The following CPEB3 variants were observed in gnomAD, a reference collection of about 807,000 sequenced individuals.
CPEB3 encodes cytoplasmic polyadenylation element-binding protein 3.
In CPEB3, 20 loss-of-function variants were observed where a neutral mutation model predicts 67.2. That is an observed-to-expected ratio of 0.30 (90% CI 0.21 to 0.43). The LOEUF is 0.43. Ranked by LOEUF, CPEB3 falls within the 20% of genes least tolerant of loss-of-function variation. CPEB3 has a pLI of 1.00. For missense variants in CPEB3, 746 were observed against 968.6 expected (o/e 0.77, Z 3.05); for synonymous variants, 376 against 393.1 (o/e 0.96, Z 0.51).
chr10:92,204,292 C>T (rs973301136), intron 2 of CPEB3: 1 of 152,074 alleles, frequency 6.6e-6, no homozygotes, highest in Non-Finnish European at 1.5e-5. Flanking sequence ...CTGCTGTGGC[C>T]CCCTGTTATC....
intron 9 of CPEB3, 135 bp downstream of exon 9, chr10:92,081,185 T>C (rs1214375963): frequency 5.5e-6 from 5 of 902,464 alleles, no homozygotes; most frequent in Non-Finnish European, 8.9e-6. Context: ...TCAGGCAGCC[T>C]AGATGAATTC....
chr10:92,089,211 G>A (rs1451566435), intron 8 of CPEB3, among the ~76,000 whole-genome samples: 1 of 152,136 alleles, frequency 6.6e-6, no homozygotes, highest in African/African-American at 2.4e-5. Context: ...CCAAAGCTCA[G>A]TGTGTTTCAA....
chr10:92,146,010 G>T (rs746350543), intron 4 of CPEB3, among the ~76,000 whole-genome samples: 2 of 152,176 alleles, frequency 1.3e-5, no homozygotes, highest in Non-Finnish European at 1.5e-5. Context: ...GTAAGTAAAT[G>T]AAAACACATA....
intron 1 of CPEB3, among the ~76,000 whole-genome samples, chr10:92,254,631 C>G (rs1852442701): frequency 6.6e-6 from 1 of 152,002 alleles, no homozygotes; most frequent in South Asian, 2.1e-4. Context: ...TTTTACCTCC[C>G]TTTTTTATAG....
Position 92,117,743 on chromosome 10 carries a change from T to C in CPEB3, c.1454-6549A>G, listed in dbSNP as rs1845114552. Among the ~76,000 whole-genome samples the C allele has an allele frequency of 2.4e-5, 3 of 124,634 alleles. No individual in the cohort carries two copies. The Admixed American group carries it at 2.4e-4, about 10-fold the overall frequency. 81.8% of individuals were successfully genotyped at this position (124,634 alleles called of 152,430 possible). ...GATCTCTTAAATACATAATTTTTCATGTTTTTTTTTTAATATTTGATACCT... is the reference window on the plus strand; with the variant it reads ...GATCTCTTAAATACATAATTTTTCACGTTTTTTTTTTAATATTTGATACCT... On this transcript the variant is annotated intron_variant, in intron 6 of 9. Transcript: ENST00000265997.
At chr10:92,289,455 T>G (rs1318576776) in intron 1 of CPEB3, among the ~76,000 whole-genome samples, 1 of 151,192 alleles carries the variant, frequency 6.6e-6, no homozygotes, top group Non-Finnish European at 1.5e-5. Context: ...GCTAGAAGGA[T>G]CACTTGAAGT....
chr10:92,142,358 CA>C (rs1225907849), intron 6 of CPEB3, among the ~76,000 whole-genome samples: 1 of 152,144 alleles, frequency 6.6e-6, no homozygotes, highest in African/African-American at 2.4e-5. Flanking sequence ...ACCTTTAACC[CA>C]AAACATTCTT....
At chr10:92,154,001 T>C (rs184446919) in intron 4 of CPEB3, among the ~76,000 whole-genome samples, 1 of 152,068 alleles carries the variant, frequency 6.6e-6, no homozygotes, top group East Asian at 1.9e-4. Flanking sequence ...TACTGCTCTA[T>C]AACTAAGAAA....
intron 8 of CPEB3, among the ~76,000 whole-genome samples, chr10:92,088,128 G>T (rs1345073143): frequency 6.6e-6 from 1 of 152,006 alleles, no homozygotes; most frequent in Admixed American, 6.6e-5. Context: ...CCACAATCAG[G>T]CAATGAGTAA....
At chr10:92,173,736 A>G (rs1481980049) in intron 4 of CPEB3, among the ~76,000 whole-genome samples, 1 of 152,182 alleles carries the variant, frequency 6.6e-6, no homozygotes, top group East Asian at 1.9e-4. Context: ...GAAAGTCAAA[A>G]CAAAACCATC....
chr10:92,271,090 G>A (rs1853289570), intron 1 of CPEB3, among the ~76,000 whole-genome samples: 1 of 152,132 alleles, frequency 6.6e-6, no homozygotes, highest in African/African-American at 2.4e-5. Context: ...GGCCGAGGCA[G>A]GAGAATCGCT....
At chr10:92,172,663 A>G (rs1264747552) in intron 4 of CPEB3, among the ~76,000 whole-genome samples, 3 of 152,226 alleles carry the variant, frequency 2.0e-5, no homozygotes, top group Non-Finnish European at 4.4e-5. Context: ...ACAAACCTGC[A>G]TATGTACCCC....
At chr10:92,284,717 T>C (rs894953891) in intron 1 of CPEB3, among the ~76,000 whole-genome samples, 1 of 152,150 alleles carries the variant, frequency 6.6e-6, no homozygotes, top group Non-Finnish European at 1.5e-5. Context: ...ATTTGCAATT[T>C]GATACATTTA....
intron 2 of CPEB3, among the ~76,000 whole-genome samples, chr10:92,229,914 C>T (rs1336661446): frequency 2.0e-5 from 3 of 152,090 alleles, no homozygotes; most frequent in South Asian, 2.1e-4. Flanking sequence ...GGCATGGTGG[C>T]GCATGCCTAT....
chr10:92,188,320 TAAAAAAAAAAAAA>T (rs756970118), intron 3 of CPEB3, among the ~76,000 whole-genome samples: 12 of 36,978 alleles, frequency 3.2e-4, no homozygotes, highest in Non-Finnish European at 4.1e-4. Context: ...TAAGACATAG[TAAAAAAAAAAAAA>T]AAAAAAAAAA....
chr10:92,084,831 G>A (rs567180400), intron 8 of CPEB3, among the ~76,000 whole-genome samples: 14 of 152,106 alleles, frequency 9.2e-5, no homozygotes, highest in South Asian at 6.2e-4. Context: ...CGCCTGCCTC[G>A]GCCTCCCAAA....
intron 2 of CPEB3, among the ~76,000 whole-genome samples, chr10:92,232,717 C>A (rs1474995815): frequency 6.7e-6 from 1 of 148,434 alleles, no homozygotes; most frequent in African/African-American, 2.5e-5. Context: ...GAGACCGTGC[C>A]ACTGCATTCC....
At chr10:92,095,601 TTTTTTTTTTTTC>T (rs1843828975) in intron 7 of CPEB3, among the ~76,000 whole-genome samples, 2 of 87,674 alleles carry the variant, frequency 2.3e-5, no homozygotes, top group Admixed American at 1.4e-4. Context: ...TATATATATA[TTTTTTTTTTTTC>T]ATTGTGTATA....
intron 7 of CPEB3, among the ~76,000 whole-genome samples, chr10:92,104,767 T>C (rs1020173831): frequency 2.0e-5 from 3 of 152,000 alleles, no homozygotes; most frequent in Non-Finnish European, 2.9e-5. Flanking sequence ...CTGGACCAAT[T>C]TGCAGATTCA....
Sources: allele counts gnomAD v4.1 joint callset (sites outside exome capture counted in the v4.1 genomes callset), GRCh38; gene constraint gnomAD v4.1.1; transcripts MANE v1.5; gene names NCBI Gene and HGNC (gene_info 2026-07-23, HGNC 2026-07-21).